The following OPRM1 variants were observed in gnomAD, a reference collection of about 807,000 sequenced individuals.
OPRM1 encodes the protein opioid receptor mu 1.
OPRM1 carries 27 observed loss-of-function variants against 31.8 expected under a neutral mutation model. The ratio of observed to expected loss-of-function variants is 0.85; its 90% confidence interval spans 0.63 to 1.17. The LOEUF (loss-of-function observed/expected upper bound fraction) is 1.17, where lower values mean the gene tolerates loss of function less well. OPRM1 is among the 50% of genes most tolerant of loss of function. OPRM1 has a pLI of 0.00. For missense variants in OPRM1, 536 were observed against 511.1 expected (o/e 1.05, Z -0.47); for synonymous variants, 196 against 189.9 (o/e 1.03, Z -0.26).
intron 1 of OPRM1, among the ~76,000 whole-genome samples, chr6:154,085,427 A>G (rs1437221282): frequency 2.6e-5 from 4 of 152,216 alleles, no homozygotes; most frequent in African/African-American, 9.6e-5. Context: ...TTGAATTCAT[A>G]AAACAAAAGA....
intron 3 of OPRM1, among the ~76,000 whole-genome samples, chr6:154,099,308 A>AAGGAAGGAAGGAAGGAAGGAAGGAAGG (rs1562469644): frequency 2.6e-4 from 23 of 87,172 alleles, no homozygotes; most frequent in Non-Finnish European, 4.2e-4. Context: ...AGGAAGGAAG[A>AAGGAAGGAAGGAAGGAAGGAAGGAAGG]AAGGAAGGAA....
intron 3 of OPRM1, chr6:154,108,749 G>A: frequency 1.0e-6 from 1 of 984,032 alleles, no homozygotes; most frequent in Non-Finnish European, 1.2e-6. Flanking sequence ...CCTAAGTAGG[G>A]CCTCTAACCC....
chr6:154,228,373 T>C (rs2128623358), intron 3 of OPRM1, among the ~76,000 whole-genome samples: 2 of 152,286 alleles, frequency 1.3e-5, no homozygotes, highest in Non-Finnish European at 2.9e-5. Context: ...AATCCTGATG[T>C]AATAAAAAAC....
At chr6:154,193,685 C>G (rs1442667303) in intron 3 of OPRM1, among the ~76,000 whole-genome samples, 1 of 152,088 alleles carries the variant, frequency 6.6e-6, no homozygotes, top group Non-Finnish European at 1.5e-5. Flanking sequence ...ACTTTCCAAC[C>G]CTCTACACCG....
chr6:154,241,389 A>G (rs563645254), intron 3 of OPRM1, among the ~76,000 whole-genome samples: 1 of 152,294 alleles, frequency 6.6e-6, no homozygotes, highest in Admixed American at 6.5e-5. Context: ...CAAGTATCTA[A>G]TAATTTTATA....
rs1486583013 is a variant in OPRM1, at chr6:154,131,682, A to G, written c.*12961A>G. The stretch of plus-strand genomic sequence containing the variant: ...TGTTTTACGGATTTTGTATCCAAGT[A>G]AATGAAAACACAATCACCTTTCAAA... On this transcript the variant is annotated 3_prime_UTR_variant, in exon 4 of 4. Transcript: ENST00000330432. Among the ~76,000 whole-genome samples the G allele has an allele frequency of 2.0e-5, 3 of 152,238 alleles. No homozygotes were observed. The highest frequency in any genetic ancestry group is 4.4e-5 in the Non-Finnish European group (3 of 68,032).
intron 1 of OPRM1, among the ~76,000 whole-genome samples, chr6:154,072,894 G>C (rs551458150): frequency 4.6e-5 from 7 of 152,164 alleles, no homozygotes; most frequent in Non-Finnish European, 7.4e-5. Context: ...CTCTGCACAC[G>C]GATACCAGCC....
Position 154,119,811 on chromosome 6 carries a change from G to A in OPRM1, c.*1090G>A, listed in dbSNP as rs1169855961. ...TTTTTCAATCCTGTGTAGTTACTTG[G>A]ATGTGAAATATTAACAATGGCCCAA... On this transcript the variant is annotated 3_prime_UTR_variant, in exon 4 of 4. Coordinates refer to ENST00000330432, the MANE Select transcript of OPRM1 (RefSeq NM_000914.5). 1.3e-5 allele frequency among the ~76,000 whole-genome samples: 2 copies of A among 152,098 alleles called. No individual in the cohort carries two copies. The highest frequency in any genetic ancestry group is 2.9e-5 in the Non-Finnish European group (2 of 67,996).
At chr6:154,170,587 A>G (rs1408547712) in intron 3 of OPRM1, among the ~76,000 whole-genome samples, 3 of 152,356 alleles carry the variant, frequency 2.0e-5, no homozygotes, top group East Asian at 3.9e-4. Context: ...CCGTCTCACA[A>G]AAGGGAAGAA....
chr6:154,096,692 C>A (rs897146813), intron 3 of OPRM1, among the ~76,000 whole-genome samples: 2 of 152,132 alleles, frequency 1.3e-5, no homozygotes, highest in African/African-American at 4.8e-5. Context: ...GAAGTTAAAT[C>A]ATTATATAAG....
intron 1 of OPRM1, among the ~76,000 whole-genome samples, chr6:154,083,036 A>G (rs1384445474): frequency 2.0e-5 from 3 of 152,216 alleles, no homozygotes; most frequent in Non-Finnish European, 4.4e-5. Context: ...CGTGCTATCC[A>G]TGTCCTGAAG....
intron 3 of OPRM1, among the ~76,000 whole-genome samples, chr6:154,115,137 T>C (rs2128521413): frequency 6.6e-6 from 1 of 152,314 alleles, no homozygotes; most frequent in South Asian, 2.1e-4. Context: ...ATTTTTTTGG[T>C]ATCAAATCTG....
rs531846200 is a variant in OPRM1 at position 154,168,803 on chromosome 6, A to G, written c.1164+77331A>G. ...ATATTTTTAGTACAGACAGGGTTTCACCATGTTGCCCAGGCTGGTCTTGAA... is the reference window on the plus strand; with the variant it reads ...ATATTTTTAGTACAGACAGGGTTTCGCCATGTTGCCCAGGCTGGTCTTGAA... On this transcript the variant is annotated intron_variant, in intron 3 of 3. Coordinates refer to the OPRM1 transcript ENST00000337049. The surrounding 1 kb of genome is among the most constrained non-coding windows in gnomAD (Gnocchi z 4.1). Among the ~76,000 whole-genome samples the G allele has an allele frequency of 6.6e-6, 1 of 151,662 alleles. No homozygotes were observed. Among genetic ancestry groups the G allele is most frequent in the South Asian group, 2.1e-4 (1 of 4,802 alleles).
exon 1 of OPRM1, chr6:154,010,535 G>A: frequency 6.5e-7 from 1 of 1,547,388 alleles, no homozygotes; most frequent in Non-Finnish European, 8.7e-7. Context: ...AAATCCATCA[G>A]CACCAAAGCT....
At chr6:154,152,296 GA>G (rs1798526210) in intron 3 of OPRM1, among the ~76,000 whole-genome samples, 2 of 96,524 alleles carry the variant, frequency 2.1e-5, no homozygotes, top group African/African-American at 8.5e-5. Context: ...AAGGAAGAGA[GA>G]AGAAAGAAAG....
At chr6:154,195,433 C>G (rs1435392393) in intron 3 of OPRM1, among the ~76,000 whole-genome samples, 1 of 152,126 alleles carries the variant, frequency 6.6e-6, no homozygotes, top group Non-Finnish European at 1.5e-5. Context: ...AGGTGTGAGC[C>G]ACCGTGCCTG....
intron 3 of OPRM1, among the ~76,000 whole-genome samples, chr6:154,201,721 C>T (rs1777085449): frequency 6.6e-6 from 1 of 151,994 alleles, no homozygotes; most frequent in African/African-American, 2.4e-5. Context: ...ATGGCGAAAC[C>T]CCGTCTCTAC....
chr6:154,215,475 G>A (rs1370418891), intron 3 of OPRM1, among the ~76,000 whole-genome samples: 4 of 151,952 alleles, frequency 2.6e-5, no homozygotes, highest in African/African-American at 7.3e-5. Flanking sequence ...GTGTGGTGGC[G>A]GAAGCCTGTA....
At chr6:154,226,727 G>A (rs1020081679) in intron 3 of OPRM1, among the ~76,000 whole-genome samples, 2 of 152,076 alleles carry the variant, frequency 1.3e-5, no homozygotes, top group Non-Finnish European at 2.9e-5. Flanking sequence ...CATTCTTCAT[G>A]GCACTGTTCT....
Sources: allele counts gnomAD v4.1 joint callset (sites outside exome capture counted in the v4.1 genomes callset), GRCh38; gene constraint gnomAD v4.1.1; non-coding constraint Gnocchi (gnomAD v3.1); transcripts MANE v1.5; gene names NCBI Gene and HGNC (gene_info 2026-07-23, HGNC 2026-07-21).